Variants in ATE1 observed in about 807,000 individuals in gnomAD.
The protein encoded by ATE1 is arginyl-tRNA--protein transferase 1.
A neutral mutation model predicts 70.5 loss-of-function variants in ATE1; 36 were observed. That is an observed-to-expected ratio of 0.51 (90% CI 0.39 to 0.67). The LOEUF is 0.67. Ranked by LOEUF, ATE1 falls within the 30% of genes least tolerant of loss-of-function variation. The probability of loss-of-function intolerance (pLI) is 0.00; values close to 1 mark genes in which losing one functional copy is unlikely to be tolerated. For missense variants in ATE1, 593 were observed against 629.5 expected, an observed-to-expected ratio of 0.94 and a Z score of 0.62; for synonymous variants, 232 against 219.3, an observed-to-expected ratio of 1.06 and a Z score of -0.51.
At chr10:121,924,699 C>CAAA (rs374852378) in intron 1 of ATE1, among the ~76,000 whole-genome samples, 4 of 86,436 alleles carry the variant, frequency 4.6e-5, no homozygotes, top group Admixed American at 1.2e-4. Context: ...GACTCCATCT[C>CAAA]AAAAAAAAAA....
chr10:121,877,121 C>A (rs1282092970), intron 7 of ATE1, among the ~76,000 whole-genome samples: 3 of 152,150 alleles, frequency 2.0e-5, no homozygotes, highest in South Asian at 2.1e-4. Context: ...GTTCTGGTGG[C>A]ATTCTGTACT....
intron 7 of ATE1, among the ~76,000 whole-genome samples, chr10:121,891,029 G>GT (rs1217644008): frequency 3.3e-5 from 5 of 152,238 alleles, no homozygotes; most frequent in Admixed American, 6.5e-5. Flanking sequence ...CTGGTTCTTT[G>GT]TCACGGTCAA....
At chr10:121,813,431 G>A (rs1190239173) in intron 10 of ATE1, among the ~76,000 whole-genome samples, 1 of 152,204 alleles carries the variant, frequency 6.6e-6, no homozygotes. Context: ...AGAGCCATGT[G>A]GCACAGCTGT....
chr10:121,856,076 C>CAAAAAAAAAAAA, intron 8 of ATE1, among the ~76,000 whole-genome samples: 1 of 125,800 alleles, frequency 7.9e-6, no homozygotes. Context: ...AACTATATCT[C>CAAAAAAAAAAAA]AAAAAAAAAA....
rs747578522 is a variant in ATE1, at chr10:121,927,933, C to T, written c.17G>A (p.Gly6Glu). 1.3e-6 allele frequency: 2 copies of T among 1,572,902 alleles called. No homozygotes were observed. The highest frequency in any genetic ancestry group is 1.8e-5 in the Admixed American group (1 of 56,440). Residue 6 changes from glycine (G) to glutamate (E), a missense_variant, in exon 1 of 12, where the codon GGG (glycine) becomes GAG (glutamate). By Grantham distance (98) the Gly-to-Glu change is moderately conservative. Transcript: ENST00000224652. ...ATAGTCCACGACGCTGGGCGAACCC[C>T]CCGCCCAGAAAGCCATGGCCTCGGC... is the stretch of plus-strand genomic sequence containing the variant. The part of the protein sequence containing the change: MAFWA[G>E]GSPSVVDYFP...
chr10:121,773,522 A>G (rs1945607029), intron 11 of ATE1, among the ~76,000 whole-genome samples: 1 of 152,228 alleles, frequency 6.6e-6, no homozygotes, highest in African/African-American at 2.4e-5. Context: ...CACAATGCTC[A>G]GCTTACATGA....
chr10:121,921,992 C>T (rs1245199466), intron 3 of ATE1, among the ~76,000 whole-genome samples: 1 of 152,170 alleles, frequency 6.6e-6, no homozygotes, highest in Non-Finnish European at 1.5e-5. Context: ...TCAAGCAATA[C>T]ACCAGAATGC....
intron 8 of ATE1, among the ~76,000 whole-genome samples, chr10:121,854,640 G>A (rs552739989): frequency 5.3e-5 from 8 of 152,124 alleles, no homozygotes; most frequent in Admixed American, 2.6e-4. Context: ...TGATTCACTC[G>A]TGACCCATAT....
intron 10 of ATE1, among the ~76,000 whole-genome samples, chr10:121,817,402 A>ATG (rs1564863119): frequency 1.3e-5 from 2 of 152,090 alleles, no homozygotes; most frequent in African/African-American, 4.8e-5. Context: ...AGCCGGGCGC[A>ATG]GTGGCGGGCG....
chr10:121,789,279 C>T (rs930135690), intron 11 of ATE1, among the ~76,000 whole-genome samples: 11 of 148,222 alleles, frequency 7.4e-5, no homozygotes, highest in Non-Finnish European at 1.6e-4. Context: ...TCCAGGAAGC[C>T]TAACTCCAGG....
intron 7 of ATE1, among the ~76,000 whole-genome samples, chr10:121,891,116 C>T (rs553425781): frequency 1.1e-4 from 16 of 152,268 alleles, no homozygotes; most frequent in African/African-American, 3.9e-4. Flanking sequence ...AGAGAAAAGG[C>T]TTCCTCAAGC....
At chr10:121,912,559 A>G (rs897035524) in intron 4 of ATE1, among the ~76,000 whole-genome samples, 1 of 151,484 alleles carries the variant, frequency 6.6e-6, no homozygotes, top group African/African-American at 2.4e-5. Context: ...GGCGGAGACA[A>G]CAGAATGCCT....
At chr10:121,921,313 G>A (rs1183557439) in intron 3 of ATE1, among the ~76,000 whole-genome samples, 1 of 151,784 alleles carries the variant, frequency 6.6e-6, no homozygotes, top group Non-Finnish European at 1.5e-5. Context: ...ATAAGTGAGT[G>A]AGGTGGGAAA....
intron 10 of ATE1, 63 bp from the exon 11 acceptor site, chr10:121,790,352 G>A (rs1337805871): frequency 1.9e-6 from 3 of 1,581,452 alleles, no homozygotes; most frequent in Non-Finnish European, 1.7e-6. Flanking sequence ...GAGATAAAGG[G>A]ATGAGGGCTC....
In ATE1 at chr10:121,911,042, C is replaced by G; in HGVS notation, c.447G>C (p.Glu149Asp). 1 of 1,613,794 alleles carries G rather than the reference C, an allele frequency of 6.2e-7. No individual in the cohort carries two copies. The highest frequency in any genetic ancestry group is 8.5e-7 in the Non-Finnish European group (1 of 1,179,980). ...DLKTLSDDIKESLESEGKNSK... is the reference protein window; with the variant it reads ...DLKTLSDDIKDSLESEGKNSK... ...AATTTTTTCCTTCACTCTCTAAACT[C>G]TCTTTGATGTCATCACTGAGTGTTT... Residue 149 changes from glutamate to aspartate, a missense_variant, in exon 5 of 12, where the codon GAG becomes GAC. Glu to Asp is a conservative substitution (Grantham distance 45). This residue lies in a region of ATE1 where 467 missense variants were observed against 469.6 expected (regional missense o/e 0.99). Transcript: ENST00000224652.
At chr10:121,845,968 A>C (rs1948803710) in intron 8 of ATE1, among the ~76,000 whole-genome samples, 1 of 152,164 alleles carries the variant, frequency 6.6e-6, no homozygotes, top group African/African-American at 2.4e-5. Context: ...ACACCACCCC[A>C]GGAGCAATGA....
Position 121,913,869 on chromosome 10 carries a change from A to G in ATE1, c.258T>C (p.Pro86=). Residue 86 remains proline (P), a synonymous_variant, in exon 4 of 12, where the codon CCT becomes CCC. Coordinates refer to ENST00000224652, the MANE Select transcript of ATE1 (RefSeq NM_001001976.3). ...TIRCRPLQFQ[P]SKSHKKVLKK... is the part of the protein sequence containing the mutation. ...TCAAAACCTTCTTGTGAGATTTTGA[A>G]GGCTGAAATTGTAAAGGTCGGCACC... 6.2e-7 allele frequency: 1 copy of G among 1,612,526 alleles called. No homozygotes were observed. Among genetic ancestry groups the G allele is most frequent in the East Asian group, 2.2e-5 (1 of 44,836 alleles).
intron 10 of ATE1, among the ~76,000 whole-genome samples, chr10:121,797,544 A>G (rs1178107782): frequency 1.3e-5 from 2 of 151,654 alleles, no homozygotes; most frequent in Non-Finnish European, 1.5e-5. Flanking sequence ...TCCATTTAAA[A>G]ATAGAATATT....
At chr10:121,756,245 C>G (rs535641541) in intron 11 of ATE1, among the ~76,000 whole-genome samples, 1 of 152,246 alleles carries the variant, frequency 6.6e-6, no homozygotes, top group Middle Eastern at 3.2e-3. Flanking sequence ...CACTCTGATA[C>G]AAGAGGTGGG....
Sources: gnomAD v4.1 joint callset for allele counts (sites outside exome capture counted in the v4.1 genomes callset) on GRCh38, gnomAD v4.1.1 for gene constraint, gnomAD v4.1.1 regional missense constraint, MANE v1.5 for transcripts, NCBI Gene and HGNC (gene_info 2026-07-23, HGNC 2026-07-21) for gene names.